BRAF: variants seen among roughly 807,000 people sequenced by gnomAD.
The protein encoded by BRAF is B-Raf proto-oncogene, serine/threonine kinase, also known as serine/threonine-protein kinase B-raf.
A neutral mutation model predicts 104.6 loss-of-function variants in BRAF; 16 were observed. The observed-to-expected ratio is 0.15, with a 90% CI of 0.10 to 0.23. The LOEUF (loss-of-function observed/expected upper bound fraction) is 0.23, where lower values mean the gene tolerates loss of function less well. BRAF is among the 10% of genes least tolerant of loss of function. The probability of loss-of-function intolerance (pLI) is 1.00; values close to 1 mark genes in which losing one functional copy is unlikely to be tolerated. For synonymous variants in BRAF, 310 were observed against 341.6 expected (o/e 0.91, Z 1.02); for missense variants, 541 against 937.3 (o/e 0.58, Z 5.52).
rs535496777 is a variant in BRAF, at chr7:140,801,578, A to G, written c.712-18T>C. ...TTTCGTACCTGCAAAGTAAAAAATC[A>G]CAGAGATTTCAAAAACTCACAAGAA... On this transcript the variant is annotated intron_variant, in intron 5 of 19. Transcript: ENST00000644969. 330 of 1,607,858 alleles carry G rather than the reference A, an allele frequency of 2.1e-4. 7 individuals carry two copies. The South Asian group carries it at 3.5e-3, about 17-fold the overall frequency.
chr7:140,835,292 T>TTC (rs1050091037), intron 2 of BRAF: 2 of 185,458 alleles, frequency 1.1e-5, no homozygotes, highest in African/African-American at 2.4e-5. Flanking sequence ...ATTCCATTCG[T>TTC]TCTCTCTCTC....
intron 3 of BRAF, chr7:140,823,770 T>G (rs1272824697): frequency 6.6e-6 from 1 of 152,218 alleles, no homozygotes; most frequent in Non-Finnish European, 1.5e-5. Flanking sequence ...ATTTTACATT[T>G]CCACCAACAG....
At chr7:140,789,871 C>T (rs1185907660) in intron 8 of BRAF, among the ~76,000 whole-genome samples, 1 of 152,210 alleles carries the variant, frequency 6.6e-6, no homozygotes, top group Non-Finnish European at 1.5e-5. Flanking sequence ...GCTAGGATTA[C>T]AGGCGCCTGC....
chr7:140,892,669 G>A (rs891823238), intron 1 of BRAF, among the ~76,000 whole-genome samples: 4 of 152,282 alleles, frequency 2.6e-5, no homozygotes, highest in Non-Finnish European at 5.9e-5. Context: ...GGGGTAGAGA[G>A]GTAGGAAAGG....
At chr7:140,914,554 TTAA>T (rs1266174342) in intron 1 of BRAF, among the ~76,000 whole-genome samples, 1 of 152,170 alleles carries the variant, frequency 6.6e-6, no homozygotes, top group Non-Finnish European at 1.5e-5. Context: ...GAAGTATATA[TTAA>T]TGTGTGTAAA....
chr7:140,735,283 A>G (rs1796311624), intron 18 of BRAF, among the ~76,000 whole-genome samples: 1 of 152,262 alleles, frequency 6.6e-6, no homozygotes, highest in Non-Finnish European at 1.5e-5. Context: ...TCACAGACCC[A>G]GAGTGCTAGT....
intron 18 of BRAF, among the ~76,000 whole-genome samples, chr7:140,739,284 T>C (rs758959364): frequency 6.6e-6 from 1 of 152,200 alleles, no homozygotes; most frequent in Non-Finnish European, 1.5e-5. Context: ...TGATGTGAGA[T>C]ATTGCAATGT....
intron 14 of BRAF, among the ~76,000 whole-genome samples, chr7:140,773,798 C>T (rs1179069870): frequency 6.6e-6 from 1 of 152,216 alleles, no homozygotes; most frequent in Non-Finnish European, 1.5e-5. Context: ...TTCCCCACTG[C>T]TGACTGATCA....
In BRAF at chr7:140,874,241, C is replaced by A. The variant is rs545738941; in HGVS notation, c.139-24029G>T. On this transcript the variant is annotated intron_variant, in intron 1 of 19. Coordinates refer to ENST00000644969, the MANE Select transcript of BRAF (RefSeq NM_001374258.1). ...TTTTTTTGAAATGGAGTCTCACTGT[C>A]GCCAGACTGGAGTGCAGTGGCGCGA... Among the ~76,000 whole-genome samples, 16 of 144,590 alleles carry A rather than the reference C, an allele frequency of 1.1e-4. No individual in the cohort carries two copies. In the South Asian group the frequency reaches 1.5e-3, roughly 14 times the overall value. The allele number at this position is 144,590 out of a possible 152,430, so 94.9% of individuals were successfully genotyped here.
intron 1 of BRAF, among the ~76,000 whole-genome samples, chr7:140,908,132 T>C (rs1816543172): frequency 6.6e-6 from 1 of 152,242 alleles, no homozygotes; most frequent in African/African-American, 2.4e-5. Flanking sequence ...CCATCTGATA[T>C]TTGCAACATT....
chr7:140,838,126 GAGACAGT>G (rs1807544284), intron 2 of BRAF, among the ~76,000 whole-genome samples: 1 of 152,104 alleles, frequency 6.6e-6, no homozygotes, highest in African/African-American at 2.4e-5. Flanking sequence ...ACTTCTTCAG[GAGACAGT>G]TGTTCAAAAA....
At chr7:140,728,095 T>C (rs1031587956) in intron 19 of BRAF, among the ~76,000 whole-genome samples, 2 of 152,224 alleles carry the variant, frequency 1.3e-5, no homozygotes, top group Admixed American at 6.5e-5. Flanking sequence ...GACTGGATGA[T>C]TGAATCCTCA....
At chr7:140,903,761 C>T (rs1169632032) in intron 1 of BRAF, among the ~76,000 whole-genome samples, 1 of 152,172 alleles carries the variant, frequency 6.6e-6, no homozygotes, top group African/African-American at 2.4e-5. Flanking sequence ...GTAAAACTGG[C>T]AACATTAACA....
At chr7:140,879,262 A>G (rs1178268805) in intron 1 of BRAF, among the ~76,000 whole-genome samples, 1 of 151,114 alleles carries the variant, frequency 6.6e-6, no homozygotes, top group Non-Finnish European at 1.5e-5. Flanking sequence ...GCTCACTGCA[A>G]CCTCTGCCTC....
At chr7:140,884,427 ATATGTGTG>A (rs1457884850) in intron 1 of BRAF, among the ~76,000 whole-genome samples, 201 of 114,662 alleles carry the variant, frequency 1.8e-3, no homozygotes, top group Admixed American at 3.5e-3. Context: ...TATATATAAG[ATATGTGTG>A]TGTGTGTGTG....
At chr7:140,794,508 C>A (rs764861589) in intron 7 of BRAF, 41 bp from the exon 8 acceptor site, 3 of 1,590,232 alleles carry the variant, frequency 1.9e-6, no homozygotes, top group Non-Finnish European at 2.6e-6. Flanking sequence ...TTCAGAGTAA[C>A]GATATAAAGG....
At chr7:140,755,678 T>G (rs2129000915) in intron 14 of BRAF, among the ~76,000 whole-genome samples, 1 of 152,288 alleles carries the variant, frequency 6.6e-6, no homozygotes. Context: ...AAAATGTTAT[T>G]TCGGTTATAG....
chr7:140,766,725 A>AT (rs1277212850), intron 14 of BRAF, among the ~76,000 whole-genome samples: 5 of 151,900 alleles, frequency 3.3e-5, no homozygotes, highest in Non-Finnish European at 5.9e-5. Flanking sequence ...TAATTTTTGT[A>AT]TTTTTTGTAG....
chr7:140,888,137 T>C (rs1371487050), intron 1 of BRAF, among the ~76,000 whole-genome samples: 1 of 152,200 alleles, frequency 6.6e-6, no homozygotes, highest in Non-Finnish European at 1.5e-5. Flanking sequence ...CCTTCCAAAG[T>C]GCTGGGATCA....
Sources: allele counts gnomAD v4.1 joint callset (sites outside exome capture counted in the v4.1 genomes callset), GRCh38; gene constraint gnomAD v4.1.1; transcripts MANE v1.5; gene names NCBI Gene and HGNC (gene_info 2026-07-23, HGNC 2026-07-21).